Variants in MBD5 observed in about 807,000 individuals in gnomAD.
MBD5 encodes methyl-CpG-binding domain protein 5.
MBD5 carries 13 observed loss-of-function variants against 117.3 expected under a neutral mutation model. The ratio of observed to expected loss-of-function variants is 0.11; its 90% CI spans 0.07 to 0.18. The LOEUF is 0.18. MBD5 is among the 10% of genes least tolerant of loss of function. The probability of loss-of-function intolerance (pLI) is 1.00; values close to 1 mark genes in which losing one functional copy is unlikely to be tolerated. For missense variants in MBD5, 1,879 were observed against 2,093.8 expected, an observed-to-expected ratio of 0.90 and a Z score of 2.00; for synonymous variants, 727 against 766.4, an observed-to-expected ratio of 0.95 and a Z score of 0.85.
At chr2:148,331,060 T>C (rs888776859) in intron 3 of MBD5, among the ~76,000 whole-genome samples, 4 of 152,210 alleles carry the variant, frequency 2.6e-5, no homozygotes, top group African/African-American at 9.6e-5. Flanking sequence ...CCAAATAAAG[T>C]AGTGATGTTT....
chr2:148,342,394 G>A (rs567628534), intron 4 of MBD5, 58 bp downstream of exon 4: 2 of 152,032 alleles, frequency 1.3e-5, no homozygotes, highest in South Asian at 2.1e-4. Flanking sequence ...TTTGTCTGCA[G>A]ACTTAGTTTT....
chr2:148,285,748 A>G (rs1701354780), intron 3 of MBD5, among the ~76,000 whole-genome samples: 1 of 152,116 alleles, frequency 6.6e-6, no homozygotes, highest in Non-Finnish European at 1.5e-5. Context: ...AAATAGAGGC[A>G]AGCTGTCACC....
intron 8 of MBD5, chr2:148,471,601 C>T (rs571759906): frequency 2.0e-5 from 3 of 152,146 alleles, no homozygotes; most frequent in Non-Finnish European, 2.9e-5. Flanking sequence ...ATAGTAAAAG[C>T]GTTTTCCTTC....
intron 3 of MBD5, among the ~76,000 whole-genome samples, chr2:148,236,641 G>A (rs780872171): frequency 6.6e-6 from 1 of 152,142 alleles, no homozygotes; most frequent in African/African-American, 2.4e-5. Context: ...CATTTATAGA[G>A]CACAGGCAGA....
chr2:148,370,633 T>C (rs991949934), intron 4 of MBD5, among the ~76,000 whole-genome samples: 1 of 151,982 alleles, frequency 6.6e-6, no homozygotes, highest in Non-Finnish European at 1.5e-5. Flanking sequence ...GGACCATGGA[T>C]GTGCACCACT....
chr2:148,367,032 C>T (rs1445761495), intron 4 of MBD5, among the ~76,000 whole-genome samples: 1 of 152,066 alleles, frequency 6.6e-6, no homozygotes, highest in African/African-American at 2.4e-5. Flanking sequence ...CAATTCTAAG[C>T]AAAAAGAACA....
chr2:148,401,893 C>T (rs1025254071), intron 4 of MBD5, among the ~76,000 whole-genome samples: 2 of 152,116 alleles, frequency 1.3e-5, no homozygotes, highest in South Asian at 2.1e-4. Context: ...ACTTTCATGA[C>T]CTTGACACTT....
At chr2:148,316,937 G>A (rs546516942) in intron 3 of MBD5, among the ~76,000 whole-genome samples, 1 of 152,284 alleles carries the variant, frequency 6.6e-6, no homozygotes, top group South Asian at 2.1e-4. Flanking sequence ...GGTTTTAAAA[G>A]CATTTAGATG....
intron 1 of MBD5, among the ~76,000 whole-genome samples, chr2:148,076,483 A>G (rs1021841975): frequency 2.6e-5 from 4 of 152,152 alleles, no homozygotes; most frequent in Admixed American, 6.6e-5. Flanking sequence ...CACCATTTCA[A>G]TCATTTCTTT....
At chr2:148,057,146 G>A (rs1420987861) in intron 1 of MBD5, among the ~76,000 whole-genome samples, 1 of 151,614 alleles carries the variant, frequency 6.6e-6, no homozygotes, top group Non-Finnish European at 1.5e-5. Flanking sequence ...TAATCTTTTT[G>A]AAAAGGAACC....
rs1559010681 is a variant in MBD5 at position 148,296,863 on chromosome 2, A to ATTTTTTTTTTTTTTTTTTTTTTTTTT, written c.-679-45351_-679-45350insTTTTTTTTTTTTTTTTTTTTTTTTTT. 1.1e-3 allele frequency among the ~76,000 whole-genome samples: 42 copies of ATTTTTTTTTTTTTTTTTTTTTTTTTT among 37,700 alleles called. 11 individuals are homozygous for ATTTTTTTTTTTTTTTTTTTTTTTTTT. Among genetic ancestry groups the ATTTTTTTTTTTTTTTTTTTTTTTTTT allele is most frequent in the Admixed American group, 2.2e-3 (5 of 2,228 alleles). The allele number at this position is 37,700 out of a possible 152,430, so 24.7% of individuals were successfully genotyped here. A position where few individuals can be genotyped will look rare whatever the true frequency, so the allele number is the denominator to read the frequency against. On this transcript the variant is annotated intron_variant, in intron 3 of 13. Transcript: ENST00000642680. Reference sequence around the variant, plus strand: ...TAAGCATAGTTTGCTTTAGTTCTTCAATTTTTTTTTTTTTTTTTTTTGGAG... The same window carrying ATTTTTTTTTTTTTTTTTTTTTTTTTT: ...TAAGCATAGTTTGCTTTAGTTCTTCATTTTTTTTTTTTTTTTTTTTTTTTTTATTTTTTTTTTTTTTTTTTTTGGAG...
intron 2 of MBD5, among the ~76,000 whole-genome samples, chr2:148,198,498 C>T (rs1449416251): frequency 6.6e-6 from 1 of 151,958 alleles, no homozygotes; most frequent in Non-Finnish European, 1.5e-5. Context: ...ATATAAAGAA[C>T]AATAAATAAG....
intron 1 of MBD5, among the ~76,000 whole-genome samples, chr2:148,049,278 T>C (rs1694626933): frequency 6.6e-6 from 1 of 152,174 alleles, no homozygotes; most frequent in Non-Finnish European, 1.5e-5. Flanking sequence ...TCGTGCACCA[T>C]CCATTCTTCA....
chr2:148,283,913 G>A (rs1024375446), intron 3 of MBD5, among the ~76,000 whole-genome samples: 1 of 152,102 alleles, frequency 6.6e-6, no homozygotes, highest in African/African-American at 2.4e-5. Context: ...ATATTAGAAG[G>A]TATACACTGA....
At chr2:148,343,113 T>A (rs1389887371) in intron 4 of MBD5, among the ~76,000 whole-genome samples, 1 of 152,110 alleles carries the variant, frequency 6.6e-6, no homozygotes. Flanking sequence ...AGTTCATTCC[T>A]TTTTTATGGC....
intron 1 of MBD5, chr2:148,054,629 T>C (rs1387085072): frequency 1.3e-5 from 2 of 152,230 alleles, no homozygotes; most frequent in Non-Finnish European, 2.9e-5. Flanking sequence ...TGATCACTTT[T>C]ACAGTCATTT....
At chr2:148,335,124 C>T (rs1181502123) in intron 3 of MBD5, among the ~76,000 whole-genome samples, 1 of 152,078 alleles carries the variant, frequency 6.6e-6, no homozygotes, top group Non-Finnish European at 1.5e-5. Flanking sequence ...TGCAGTAGCT[C>T]ATGCCTGTAA....
At chr2:148,104,242 T>A (rs1214807336) in intron 1 of MBD5, among the ~76,000 whole-genome samples, 1 of 152,152 alleles carries the variant, frequency 6.6e-6, no homozygotes. Flanking sequence ...TCATCTTGTA[T>A]CCTTAGCAGC....
Position 148,324,613 on chromosome 2 carries a change from A to C in MBD5, c.-679-17601A>C, listed in dbSNP as rs1482069554. 5.9e-5 allele frequency among the ~76,000 whole-genome samples: 9 copies of C among 151,878 alleles called. No homozygotes were observed. The South Asian group carries it at 1.0e-3, about 18-fold the overall frequency. ...TTGAAGCAATTGTGAATGGGAGTTC[A>C]CTCATGATTTGGCTCTCTGTTTGTC... On this transcript the variant is annotated intron_variant, in intron 3 of 13. Coordinates refer to ENST00000642680, the MANE Select transcript of MBD5 (RefSeq NM_001378120.1).
Sources: allele counts gnomAD v4.1 joint callset (sites outside exome capture counted in the v4.1 genomes callset), GRCh38; gene constraint gnomAD v4.1.1; transcripts MANE v1.5; gene names NCBI Gene and HGNC (gene_info 2026-07-23, HGNC 2026-07-21).